TCF20: variants seen among roughly 807,000 people sequenced by gnomAD.
TCF20 encodes transcription factor 20.
Under a neutral mutation model 148.6 loss-of-function variants are expected in TCF20, and 3 were observed. That is an observed-to-expected ratio of 0.02 (90% CI 0.01 to 0.05). TCF20 has a LOEUF of 0.05. TCF20 is among the 10% of genes least tolerant of loss of function. The pLI, the probability that TCF20 is intolerant of heterozygous loss-of-function variation, is 1.00. For missense variants in TCF20, 2,350 were observed against 2,429.3 expected (o/e 0.97, Z 0.69); for synonymous variants, 1,049 against 909.5 (o/e 1.15, Z -2.76).
At chr22:42,257,212 A>T (rs1486579041) in intron 1 of TCF20, among the ~76,000 whole-genome samples, 1 of 152,200 alleles carries the variant, frequency 6.6e-6, no homozygotes, top group Non-Finnish European at 1.5e-5. Context: ...CTTACAGGGC[A>T]GGCGGTTCTC....
upstream of TCF20, among the ~76,000 whole-genome samples, chr22:42,285,649 T>A (rs1029789755): frequency 3.9e-5 from 6 of 152,162 alleles, no homozygotes; most frequent in African/African-American, 1.4e-4. The surrounding 1 kb of genome is among the most constrained non-coding windows in gnomAD (Gnocchi z 4.2). Context: ...TATTTTATTT[T>A]TTTTGTAGGG....
At position 42,290,496 on chromosome 22, in the gene TCF20, G is replaced by A. The variant is rs1305779756; in HGVS notation, c.-37+52983C>T. 2.0e-5 allele frequency among the ~76,000 whole-genome samples: 3 copies of A among 152,240 alleles called. No individual in the cohort carries two copies. Among genetic ancestry groups the A allele is most frequent in the Admixed American group, 6.5e-5 (1 of 15,292 alleles). On this transcript the variant is annotated intron_variant, in intron 1 of 1. Coordinates refer to the TCF20 transcript ENST00000515426. The surrounding 1 kb of genome is among the most constrained non-coding windows in gnomAD (Gnocchi z 4.2). ...AGGCCATGGAGCGGGCAGGCTGGGGGCACGTGGGAGGCCTCTGCTCCTGAC... is the reference window on the plus strand; with the variant it reads ...AGGCCATGGAGCGGGCAGGCTGGGGACACGTGGGAGGCCTCTGCTCCTGAC...
At chr22:42,163,718 T>A (rs1202845680) in intron 5 of TCF20, among the ~76,000 whole-genome samples, 1 of 152,142 alleles carries the variant, frequency 6.6e-6, no homozygotes, top group Non-Finnish European at 1.5e-5. Context: ...TCCCCGACAG[T>A]GAGCCTGGGA....
chr22:42,257,105 C>A (rs561969489), intron 1 of TCF20, among the ~76,000 whole-genome samples: 50 of 152,252 alleles, frequency 3.3e-4, no homozygotes, highest in African/African-American at 1.2e-3. Context: ...GGCTGCAGTG[C>A]GCCATGACTG....
At chr22:42,199,760 G>GAATC (rs1937865765) in intron 2 of TCF20, among the ~76,000 whole-genome samples, 2 of 131,808 alleles carry the variant, frequency 1.5e-5, no homozygotes, top group African/African-American at 5.8e-5. Context: ...GGTGACAGGA[G>GAATC]AATCGCTTGA....
intron 2 of TCF20, among the ~76,000 whole-genome samples, chr22:42,188,209 G>C (rs1205019528): frequency 1.4e-5 from 2 of 139,096 alleles, no homozygotes; most frequent in Non-Finnish European, 3.0e-5. Flanking sequence ...CAGGAGAATC[G>C]TTTGAACCTG....
chr22:42,266,765 C>G (rs927684835), intron 1 of TCF20, among the ~76,000 whole-genome samples: 2 of 151,922 alleles, frequency 1.3e-5, no homozygotes, highest in African/African-American at 4.8e-5. Flanking sequence ...GGCAACAGAG[C>G]GAGACTCCGT....
Position 42,213,214 on chromosome 22 carries a change from G to A in TCF20, c.2092C>T (p.Pro698Ser). The stretch of plus-strand genomic sequence containing the variant: ...CGCAGACTTCCAGGAGATTTGCTAG[G>A]CTCAGTTCTGCTCGTAAAACCAGGG... ...AGPGFTSRTEPSKSPGSLRYS... is the reference protein window; with the variant it reads ...AGPGFTSRTESSKSPGSLRYS... Residue 698 changes from proline to serine, a missense_variant, in exon 2 of 6, where the codon CCT becomes TCT. By Grantham distance (74) the Pro-to-Ser change is moderately conservative. This residue lies in a region of TCF20 where 1,641 missense variants were observed against 1,662.6 expected (regional missense o/e 0.99). Transcript: ENST00000677622. The A allele has an allele frequency of 1.2e-6, 2 of 1,614,148 alleles. No individual in the cohort carries two copies. The highest frequency in any genetic ancestry group is 1.7e-6 in the Non-Finnish European group (2 of 1,180,026).
intron 1 of TCF20, among the ~76,000 whole-genome samples, chr22:42,217,476 C>T (rs1921929820): frequency 6.6e-6 from 1 of 152,198 alleles, no homozygotes; most frequent in Non-Finnish European, 1.5e-5. Context: ...ATATATGCTA[C>T]TTGTTTACTG....
At chr22:42,161,455 G>GGAGCC in intron 5 of TCF20, 97 bp from the exon 6 acceptor site, 1 of 1,554,332 alleles carries the variant, frequency 6.4e-7, no homozygotes, top group Non-Finnish European at 8.9e-7. Flanking sequence ...CTTTCAGCAG[G>GGAGCC]GAGCCTGCAC....
At chr22:42,199,706 CAAAAA>C (rs59845847) in intron 2 of TCF20, among the ~76,000 whole-genome samples, 52 of 33,862 alleles carry the variant, frequency 1.5e-3, no homozygotes, top group African/African-American at 4.9e-3. Context: ...CCCATCTCTA[CAAAAA>C]AAAAAAAAAA....
At position 42,214,361 on chromosome 22, in the gene TCF20, C is replaced by G. The variant is rs574930433; in HGVS notation, c.945G>C (p.Gln315His). The G allele has an allele frequency of 6.2e-7, 1 of 1,614,198 alleles. No individual in the cohort carries two copies. The highest frequency in any genetic ancestry group is 1.1e-5 in the South Asian group (1 of 91,086). Residue 315 changes from glutamine to histidine, a missense_variant, in exon 2 of 6, where the codon CAG becomes CAC. Gln to His is a conservative substitution (Grantham distance 24, BLOSUM62 0). Transcript: ENST00000677622. The part of the protein sequence containing the change: ...IPQGTQQGQQ[Q>H]QQPQQQQHPS... ...GGTGTTGTTGTTGCTGCGGTTGCTG[C>G]TGCTGCTGCCCCTGTTGGGTCCCTT...
At chr22:42,237,272 AG>A (rs1190294302) in intron 1 of TCF20, among the ~76,000 whole-genome samples, 1 of 152,242 alleles carries the variant, frequency 6.6e-6, no homozygotes, top group Non-Finnish European at 1.5e-5. Context: ...CATCTTCATC[AG>A]GAGTAGATTC....
At chr22:42,161,614 A>G (rs1961314848) in intron 5 of TCF20, among the ~76,000 whole-genome samples, 1 of 152,206 alleles carries the variant, frequency 6.6e-6, no homozygotes, top group Non-Finnish European at 1.5e-5. Flanking sequence ...TCCTCAGGGC[A>G]TGTCTGCCTT....
intron 1 of TCF20, among the ~76,000 whole-genome samples, chr22:42,294,282 C>T (rs150771898): frequency 7.3e-4 from 111 of 152,362 alleles, no homozygotes; most frequent in African/African-American, 2.6e-3. Flanking sequence ...CAATCTCAGC[C>T]CGCGACCCCG....
chr22:42,249,197 G>A (rs1056374658), intron 1 of TCF20, among the ~76,000 whole-genome samples: 1 of 152,150 alleles, frequency 6.6e-6, no homozygotes, highest in African/African-American at 2.4e-5. Flanking sequence ...ACCTTGGACC[G>A]AGAGATAACA....
intron 5 of TCF20, among the ~76,000 whole-genome samples, chr22:42,164,733 G>A (rs896143361): frequency 1.3e-5 from 2 of 152,340 alleles, no homozygotes; most frequent in Admixed American, 6.5e-5. Context: ...GGGCAATGGA[G>A]ACAAGGATTT....
chr22:42,330,074 G>A (rs774284818), intron 1 of TCF20, among the ~76,000 whole-genome samples: 2 of 152,152 alleles, frequency 1.3e-5, no homozygotes, highest in African/African-American at 4.8e-5. Context: ...CAGGCCCACC[G>A]CCACCCCATC....
chr22:42,204,118 TTAAAG>T lies in TCF20; in HGVS notation c.5655+5528_5655+5532del, dbSNP rs1202032414. Among the ~76,000 whole-genome samples, 5 of 152,340 alleles carry T rather than the reference TTAAAG, an allele frequency of 3.3e-5. No individual in the cohort carries two copies. The East Asian group carries it at 9.6e-4, about 29-fold the overall frequency. On this transcript the variant is annotated intron_variant, in intron 2 of 5. Transcript: ENST00000677622. Reference sequence around the variant, plus strand: ...TCCAAATCATGTTTTCCATCACAATTTAAAGTAAATTTAAGAAAGATGTGAGTCTG... The same window carrying T: ...TCCAAATCATGTTTTCCATCACAATTTAAATTTAAGAAAGATGTGAGTCTG...
Sources: gnomAD v4.1 joint callset for allele counts (sites outside exome capture counted in the v4.1 genomes callset) on GRCh38, gnomAD v4.1.1 for gene constraint, gnomAD v4.1.1 regional missense constraint, Gnocchi (gnomAD v3.1) non-coding constraint, MANE v1.5 for transcripts, NCBI Gene and HGNC (gene_info 2026-07-23, HGNC 2026-07-21) for gene names.